The following SNX8 variants were observed in gnomAD, a reference collection of about 807,000 sequenced individuals.
SNX8 encodes sorting nexin 8.
A neutral mutation model predicts 51.6 loss-of-function variants in SNX8; 25 were observed. The ratio of observed to expected loss-of-function variants is 0.48; its 90% CI spans 0.35 to 0.68. The LOEUF (loss-of-function observed/expected upper bound fraction) is 0.68, where lower values mean the gene tolerates loss of function less well. Ranked by LOEUF, SNX8 falls within the 30% of genes least tolerant of loss-of-function variation. SNX8 has a pLI of 0.00. For synonymous variants in SNX8, 324 were observed against 277.0 expected (o/e 1.17, Z -1.68); for missense variants, 695 against 624.0 (o/e 1.11, Z -1.21).
At chr7:2,331,672 TC>T (rs1358751196) in intron 1 of SNX8, among the ~76,000 whole-genome samples, 2 of 151,450 alleles carry the variant, frequency 1.3e-5, no homozygotes, top group African/African-American at 2.4e-5. Context: ...ACCACTGCAC[TC>T]CAGCCTGGGC....
At chr7:2,295,367 GC>G in intron 1 of SNX8, among the ~76,000 whole-genome samples, 1 of 142,724 alleles carries the variant, frequency 7.0e-6, no homozygotes, top group East Asian at 2.2e-4. Context: ...TCGTGCCATT[GC>G]ACCCAGCCCG....
intron 1 of SNX8, among the ~76,000 whole-genome samples, chr7:2,330,252 C>G (rs978686881): frequency 6.6e-6 from 1 of 151,222 alleles, no homozygotes; most frequent in Admixed American, 6.6e-5. Flanking sequence ...ATTCTCCTGC[C>G]TCAGCCTTCC....
chr7:2,269,206 G>C (rs1353284686), intron 5 of SNX8, among the ~76,000 whole-genome samples: 2 of 150,970 alleles, frequency 1.3e-5, no homozygotes, highest in African/African-American at 4.8e-5. Flanking sequence ...TCTGCCTTGG[G>C]ATCCTGTTGA....
In SNX8 at chr7:2,264,375, A is replaced by C. The variant is rs778357552; in HGVS notation, c.705T>G (p.Leu235=). Residue 235 remains leucine, a synonymous_variant, in exon 6 of 11, where the codon CTT becomes CTG. Transcript: ENST00000222990. ...ATGCGATCCGCTCGGCCCTGTCGCG[A>C]AGCTTGTGAAAGCTATTGTAGATGT... ...IRNIYNSFHK[L]RDRAERIASR... is the part of the protein sequence containing the mutation. 1 of 1,612,966 alleles carries C rather than the reference A, an allele frequency of 6.2e-7. No homozygotes were observed. The highest frequency in any genetic ancestry group is 8.5e-7 in the Non-Finnish European group (1 of 1,179,982).
intron 3 of SNX8, among the ~76,000 whole-genome samples, chr7:2,272,612 G>T (rs956870790): frequency 6.6e-6 from 1 of 152,060 alleles, no homozygotes; most frequent in Non-Finnish European, 1.5e-5. Flanking sequence ...CTGACCTCAG[G>T]TGATCCACCT....
intron 1 of SNX8, among the ~76,000 whole-genome samples, chr7:2,298,258 C>G (rs1228235692): frequency 6.6e-6 from 1 of 152,074 alleles, no homozygotes; most frequent in Non-Finnish European, 1.5e-5. Flanking sequence ...GCCGGGGCTA[C>G]AGGCCTGCCC....
chr7:2,296,670 C>T (rs955675859), intron 1 of SNX8, among the ~76,000 whole-genome samples: 3 of 151,926 alleles, frequency 2.0e-5, no homozygotes, highest in Non-Finnish European at 2.9e-5. Flanking sequence ...GTGGCTCACA[C>T]CTGTAATCCC....
intron 1 of SNX8, among the ~76,000 whole-genome samples, chr7:2,310,439 C>T (rs1796637512): frequency 6.6e-6 from 1 of 151,808 alleles, no homozygotes; most frequent in Admixed American, 6.6e-5. Flanking sequence ...GCCTGGGCAA[C>T]ACAGCCAGAC....
chr7:2,286,805 C>T lies in SNX8; in HGVS notation c.95-8500G>A, dbSNP rs558881504. Among the ~76,000 whole-genome samples, 80 of 152,012 alleles carry T rather than the reference C, an allele frequency of 5.3e-4. 1 individual carries two copies. The highest frequency in any genetic ancestry group is 6.8e-3 in the Middle Eastern group (2 of 294). On this transcript the variant is annotated intron_variant, in intron 1 of 10. Coordinates refer to ENST00000222990, the MANE Select transcript of SNX8 (RefSeq NM_013321.4). ...TGCTGGGATTACAGGCATGAGCCAC[C>T]GCAACCAGCCTAAATTTTTTATAGA...
At chr7:2,321,786 G>C (rs1369292469) in intron 1 of SNX8, among the ~76,000 whole-genome samples, 1 of 130,654 alleles carries the variant, frequency 7.7e-6, no homozygotes, top group African/African-American at 3.0e-5. Context: ...TTGCGATCTC[G>C]GATCTCGGCT....
intron 2 of SNX8, among the ~76,000 whole-genome samples, chr7:2,276,312 C>T (rs138613527): frequency 1.6e-3 from 242 of 152,376 alleles, no homozygotes; most frequent in African/African-American, 5.5e-3. Context: ...ACATCCCCGA[C>T]TGCGGCCCAG....
chr7:2,263,561 C>T (rs998938913), intron 6 of SNX8, among the ~76,000 whole-genome samples, 199 bp from the exon 7 acceptor site: 14 of 152,342 alleles, frequency 9.2e-5, no homozygotes, highest in African/African-American at 3.4e-4. Flanking sequence ...ACCTCAGGAC[C>T]TGCTGCGTCT....
chr7:2,257,519 G>A lies in SNX8; in HGVS notation c.985-5C>T, dbSNP rs370540045. On this transcript the variant is annotated splice_polypyrimidine_tract_variant and splice_region_variant and intron_variant, in intron 8 of 10. Transcript: ENST00000222990. ...CTCATGCCGCTCGCACAGGTCCTGCGGGGCCGGGGGAGGCATTCGCCCGCT... is the reference window on the plus strand; with the variant it reads ...CTCATGCCGCTCGCACAGGTCCTGCAGGGCCGGGGGAGGCATTCGCCCGCT... The A allele has an allele frequency of 3.3e-5, 53 of 1,600,950 alleles. No homozygotes were observed. The highest frequency in any genetic ancestry group is 4.2e-5 in the Non-Finnish European group (50 of 1,177,610).
intron 1 of SNX8, among the ~76,000 whole-genome samples, chr7:2,289,399 C>G (rs1796102409): frequency 6.6e-6 from 1 of 152,200 alleles, no homozygotes; most frequent in African/African-American, 2.4e-5. Flanking sequence ...TCCAAAGTGA[C>G]TGAGCCAATT....
rs140651465 is a variant in SNX8, at chr7:2,256,955, C to T, written c.1203G>A (p.Thr401=). 159 of 1,613,542 alleles carry T rather than the reference C, an allele frequency of 9.9e-5. No homozygotes were observed. Among genetic ancestry groups the T allele is most frequent in the Non-Finnish European group, 1.3e-4 (154 of 1,179,870 alleles). The change falls in exon 10 of 11, where the codon ACG becomes ACA. Residue 401 remains threonine, a synonymous_variant. Coordinates refer to ENST00000222990, the MANE Select transcript of SNX8 (RefSeq NM_013321.4). ...GGGGCAGGTAGACGTGGATGAGCTG[C>T]GTCTCCTGGTGCAGGCAGTACAGGG... ...YFSLYCLHQE[T]QLIHVYLPLT...
intron 5 of SNX8, among the ~76,000 whole-genome samples, chr7:2,267,199 A>G (rs1391061267): frequency 1.3e-5 from 2 of 152,242 alleles, no homozygotes; most frequent in African/African-American, 4.8e-5. Context: ...ATGTCAGCAT[A>G]ATCCCTGCCA....
intron 5 of SNX8, among the ~76,000 whole-genome samples, chr7:2,267,641 T>C (rs1229690554): frequency 6.7e-6 from 1 of 148,736 alleles, no homozygotes; most frequent in African/African-American, 2.5e-5. Context: ...TGGAGTGCAG[T>C]GACGTGATCT....
chr7:2,301,362 C>A (rs1392668835), intron 1 of SNX8, among the ~76,000 whole-genome samples: 1 of 152,172 alleles, frequency 6.6e-6, no homozygotes, highest in Non-Finnish European at 1.5e-5. Flanking sequence ...GCAGGCCAGC[C>A]CCCAAATTCG....
chr7:2,256,954 G>T lies in SNX8; in HGVS notation c.1204C>A (p.Gln402Lys). Residue 402 changes from glutamine (Q) to lysine (K), a missense_variant, in exon 10 of 11, where the codon CAG (glutamine) becomes AAG (lysine). Physicochemically the swap from Gln to Lys is moderately conservative, Grantham distance 53 (BLOSUM62 1). Transcript: ENST00000222990. ...AGGGGCAGGTAGACGTGGATGAGCTGCGTCTCCTGGTGCAGGCAGTACAGG... is the reference window on the plus strand; with the variant it reads ...AGGGGCAGGTAGACGTGGATGAGCTTCGTCTCCTGGTGCAGGCAGTACAGG... ...FSLYCLHQET[Q>K]LIHVYLPLTS... The T allele has an allele frequency of 1.9e-6, 3 of 1,613,692 alleles. No individual in the cohort carries two copies. Among genetic ancestry groups the T allele is most frequent in the Non-Finnish European group, 2.5e-6 (3 of 1,179,840 alleles).
Sources: allele counts gnomAD v4.1 joint callset (sites outside exome capture counted in the v4.1 genomes callset), GRCh38; gene constraint gnomAD v4.1.1; transcripts MANE v1.5; gene names NCBI Gene and HGNC (gene_info 2026-07-23, HGNC 2026-07-21).